Variants in CHD7 observed in about 807,000 individuals in gnomAD.
CHD7 encodes chromodomain helicase DNA binding protein 7, also known as ATP-dependent chromatin remodeler CHD7.
CHD7 carries 24 observed loss-of-function variants against 307.3 expected under a neutral mutation model. The observed-to-expected ratio is 0.08, with a 90% confidence interval of 0.06 to 0.11. The LOEUF (loss-of-function observed/expected upper bound fraction) is 0.11. Ranked by LOEUF, CHD7 falls within the 10% of genes least tolerant of loss-of-function variation. CHD7 has a pLI of 1.00. For synonymous variants in CHD7, 1,363 were observed against 1,349.9 expected (o/e 1.01, Z -0.21); for missense variants, 3,106 against 3,727.1 (o/e 0.83, Z 4.34).
chr8:60,816,113 G>GTCTGTCTGTCTGTCTGTCTCTC (rs58405811), intron 7 of CHD7, among the ~76,000 whole-genome samples: 4 of 139,318 alleles, frequency 2.9e-5, no homozygotes, highest in African/African-American at 8.6e-5. Context: ...CTGTCTGTCT[G>GTCTGTCTGTCTGTCTGTCTCTC]TCTCTCTCTC....
rs140166746 is a variant in CHD7, at chr8:60,724,227, G to A, written c.-174-17032G>A. ...CTGGCCTAGGAAGACAGCAGACTTC[G>A]TGTGGTTGTGATTTTTTAAAGGCAG... On this transcript the variant is annotated intron_variant, in intron 1 of 37. Coordinates refer to ENST00000423902, the MANE Select transcript of CHD7 (RefSeq NM_017780.4). Among the ~76,000 whole-genome samples the A allele has an allele frequency of 6.8e-4, 103 of 152,308 alleles. 2 individuals carry two copies. The East Asian group carries it at 0.013, about 19-fold the overall frequency.
chr8:60,793,559 C>T (rs1002856948), intron 3 of CHD7, among the ~76,000 whole-genome samples: 1 of 152,010 alleles, frequency 6.6e-6, no homozygotes, highest in African/African-American at 2.4e-5. Flanking sequence ...ATGACATATG[C>T]TTTATTCTAA....
intron 6 of CHD7, among the ~76,000 whole-genome samples, chr8:60,807,092 C>A (rs1023617272): frequency 6.6e-6 from 1 of 152,202 alleles, no homozygotes; most frequent in Non-Finnish European, 1.5e-5. Context: ...TTTAAGTTCA[C>A]AATCTTTGAA....
At chr8:60,741,152 G>A (rs1808979457) in intron 1 of CHD7, 107 bp from the exon 2 acceptor site, 1 of 449,214 alleles carries the variant, frequency 2.2e-6, no homozygotes, top group Middle Eastern at 5.8e-4. Context: ...GATTCGTATT[G>A]TTGATGGGGA....
intron 2 of CHD7, among the ~76,000 whole-genome samples, chr8:60,773,627 G>A (rs552489418): frequency 3.4e-4 from 52 of 152,314 alleles, no homozygotes; most frequent in African/African-American, 1.2e-3. Context: ...AACTGGCTTA[G>A]TTACAGTCTT....
At chr8:60,729,987 G>T (rs900160205) in intron 1 of CHD7, among the ~76,000 whole-genome samples, 5 of 152,082 alleles carry the variant, frequency 3.3e-5, no homozygotes, top group African/African-American at 1.2e-4. Context: ...ATTAGAATTG[G>T]TTAGTCAAAT....
chr8:60,716,254 C>T (rs573114544), intron 1 of CHD7, among the ~76,000 whole-genome samples: 2 of 152,336 alleles, frequency 1.3e-5, no homozygotes. Flanking sequence ...GCAGTCTTTC[C>T]AATGTTAGCA....
intron 2 of CHD7, among the ~76,000 whole-genome samples, chr8:60,746,821 T>C (rs1250134013): frequency 6.6e-6 from 1 of 152,208 alleles, no homozygotes; most frequent in East Asian, 1.9e-4. Context: ...TTTTGGTATA[T>C]GGACATTTCT....
At chr8:60,692,808 A>G (rs1586169844) in intron 1 of CHD7, among the ~76,000 whole-genome samples, 1 of 150,672 alleles carries the variant, frequency 6.6e-6, no homozygotes, top group African/African-American at 2.4e-5. Flanking sequence ...TTTTCTTCCT[A>G]CCCCCTCAAT....
chr8:60,789,001 A>C (rs35149496), intron 3 of CHD7, among the ~76,000 whole-genome samples: 27,448 of 152,150 alleles, frequency 0.18, 3,546 homozygotes, highest in African/African-American at 0.36. Flanking sequence ...TTCATACTTT[A>C]TCTTTTTTAG....
intron 34 of CHD7, among the ~76,000 whole-genome samples, chr8:60,860,613 T>G (rs1418519704): frequency 1.3e-5 from 2 of 152,200 alleles, no homozygotes; most frequent in Non-Finnish European, 2.9e-5. Flanking sequence ...TTTTGTATTT[T>G]TTGTAAAGAT....
chr8:60,840,707 T>A (rs1345547558), intron 19 of CHD7, among the ~76,000 whole-genome samples: 1 of 151,736 alleles, frequency 6.6e-6, no homozygotes, highest in Non-Finnish European at 1.5e-5. Flanking sequence ...AACCTCCACC[T>A]CCTGGGTTCA....
intron 13 of CHD7, among the ~76,000 whole-genome samples, chr8:60,826,128 G>A (rs1022380019): frequency 7.2e-5 from 11 of 151,936 alleles, no homozygotes; most frequent in African/African-American, 1.9e-4. Context: ...ATAATGGCAC[G>A]TATAGAAAAT....
intron 1 of CHD7, among the ~76,000 whole-genome samples, chr8:60,700,707 A>G (rs775371308): frequency 9.2e-5 from 14 of 152,254 alleles, no homozygotes; most frequent in Admixed American, 2.6e-4. Context: ...TGGAGGCAGT[A>G]TAACCTAACA....
At chr8:60,807,059 T>C (rs868526024) in intron 6 of CHD7, among the ~76,000 whole-genome samples, 3 of 152,186 alleles carry the variant, frequency 2.0e-5, no homozygotes, top group Non-Finnish European at 2.9e-5. Context: ...TTAACTGTTA[T>C]AAGTGAGAGT....
At chr8:60,721,697 GATGCTGCCA>G (rs904115931) in intron 1 of CHD7, among the ~76,000 whole-genome samples, 6 of 152,184 alleles carry the variant, frequency 3.9e-5, no homozygotes, top group African/African-American at 1.4e-4. Flanking sequence ...TGATGCTGCC[GATGCTGCCA>G]ATGCTGCCAA....
chr8:60,812,215 A>G (rs532616047), intron 7 of CHD7, among the ~76,000 whole-genome samples: 2 of 152,190 alleles, frequency 1.3e-5, no homozygotes, highest in East Asian at 1.9e-4. Context: ...GCCTTTCCCT[A>G]TATCCAGATT....
In CHD7 at chr8:60,767,969, A is replaced by G. The variant is rs144031658; in HGVS notation, c.1666-13031A>G. On this transcript the variant is annotated intron_variant, in intron 2 of 37. Coordinates refer to ENST00000423902, the MANE Select transcript of CHD7 (RefSeq NM_017780.4). ...TTAGGTATCTGAAATGAGATGGTATATTATAGGTATGTTGTTCTGAAAGTT... is the reference window on the plus strand; with the variant it reads ...TTAGGTATCTGAAATGAGATGGTATGTTATAGGTATGTTGTTCTGAAAGTT... Among the ~76,000 whole-genome samples the G allele has an allele frequency of 2.5e-3, 375 of 152,352 alleles. 1 individual carries two copies. Among genetic ancestry groups the G allele is most frequent in the African/African-American group, 8.2e-3 (342 of 41,576 alleles).
chr8:60,768,921 T>G (rs1810590249), intron 2 of CHD7, among the ~76,000 whole-genome samples: 1 of 152,236 alleles, frequency 6.6e-6, no homozygotes, highest in African/African-American at 2.4e-5. Context: ...AAGTACATTC[T>G]TATTCATCAC....
Sources: allele counts gnomAD v4.1 joint callset (sites outside exome capture counted in the v4.1 genomes callset), GRCh38; gene constraint gnomAD v4.1.1; transcripts MANE v1.5; gene names NCBI Gene and HGNC (gene_info 2026-07-23, HGNC 2026-07-21).